CADM2: variants seen among roughly 807,000 people sequenced by gnomAD.
CADM2 encodes immunoglobulin superfamily member 4D.
CADM2 carries 12 observed loss-of-function variants against 49.8 expected under a neutral mutation model. The ratio of observed to expected loss-of-function variants is 0.24; its 90% CI spans 0.15 to 0.39. The LOEUF (loss-of-function observed/expected upper bound fraction) is 0.39. CADM2 is among the 10% of genes least tolerant of loss of function. The pLI is 1.00. For synonymous variants in CADM2, 214 were observed against 175.4 expected (o/e 1.22, Z -1.74); for missense variants, 378 against 492.3 (o/e 0.77, Z 2.20).
intron 6 of CADM2, among the ~76,000 whole-genome samples, chr3:85,923,547 AAAC>A (rs1305481826): frequency 3.3e-5 from 5 of 151,544 alleles, no homozygotes; most frequent in Non-Finnish European, 7.4e-5. Flanking sequence ...CAAAAAAAAA[AAAC>A]AACAAAACAA....
At chr3:85,208,594 T>A (rs1203847817) in intron 1 of CADM2, among the ~76,000 whole-genome samples, 5 of 152,050 alleles carry the variant, frequency 3.3e-5, no homozygotes, top group Admixed American at 6.5e-5. Context: ...AGAAGACAAA[T>A]CTACATATTG....
rs1171016987 is a variant in CADM2, at chr3:85,042,520, A to G, written c.61+82852A>G. Among the ~76,000 whole-genome samples, 7 of 151,870 alleles carry G rather than the reference A, an allele frequency of 4.6e-5. No individual in the cohort carries two copies. The South Asian group carries it at 1.2e-3, about 27-fold the overall frequency. On this transcript the variant is annotated intron_variant, in intron 1 of 9. Coordinates refer to ENST00000383699, the MANE Select transcript of CADM2 (RefSeq NM_001167675.2). ...TGTGTGTGTGTTTTCATTTCTTTTT[A>G]GATGCTCTGCAATAAATGACTAAGA...
At chr3:85,608,135 A>G (rs1042370374) in intron 1 of CADM2, among the ~76,000 whole-genome samples, 10 of 152,140 alleles carry the variant, frequency 6.6e-5, no homozygotes, top group African/African-American at 1.9e-4. Flanking sequence ...TGGGCATACA[A>G]TGATGTGTTT....
chr3:85,510,026 C>T (rs1036832100), intron 1 of CADM2, among the ~76,000 whole-genome samples: 4 of 151,758 alleles, frequency 2.6e-5, no homozygotes, highest in Non-Finnish European at 5.9e-5. Flanking sequence ...AAAAATAAAG[C>T]AATGTGGGCT....
chr3:85,827,274 A>G (rs1427052073), intron 3 of CADM2, among the ~76,000 whole-genome samples: 1 of 152,040 alleles, frequency 6.6e-6, no homozygotes, highest in East Asian at 1.9e-4. Context: ...GTGCTTGTAG[A>G]AATTGCAGTC....
At chr3:85,131,126 C>T (rs549937506) in intron 1 of CADM2, among the ~76,000 whole-genome samples, 4 of 152,086 alleles carry the variant, frequency 2.6e-5, no homozygotes, top group East Asian at 1.9e-4. Flanking sequence ...TAGCAGCGAG[C>T]CAAGATCGTG....
chr3:85,541,283 TACAC>T (rs575428465), intron 1 of CADM2, among the ~76,000 whole-genome samples: 25 of 151,440 alleles, frequency 1.7e-4, no homozygotes, highest in Admixed American at 8.6e-4. Context: ...ATGTCACATA[TACAC>T]ACATGCATAC....
intron 1 of CADM2, among the ~76,000 whole-genome samples, chr3:85,631,013 T>C (rs1201237861): frequency 6.6e-6 from 1 of 152,088 alleles, no homozygotes; most frequent in Non-Finnish European, 1.5e-5. Flanking sequence ...TGTACCTGGA[T>C]TAAAATAAAA....
chr3:85,408,150 G>T (rs2035488900), intron 1 of CADM2, among the ~76,000 whole-genome samples: 1 of 152,054 alleles, frequency 6.6e-6, no homozygotes, highest in Non-Finnish European at 1.5e-5. Context: ...TTGTGCTTTG[G>T]AAAATTTTGA....
chr3:85,587,711 T>A (rs533490107), intron 1 of CADM2, among the ~76,000 whole-genome samples: 2 of 151,964 alleles, frequency 1.3e-5, no homozygotes, highest in South Asian at 4.1e-4. Context: ...ACAAGAAACA[T>A]TGTGTCCATA....
chr3:85,495,128 A>C (rs1381474174), intron 1 of CADM2, among the ~76,000 whole-genome samples: 1 of 152,138 alleles, frequency 6.6e-6, no homozygotes, highest in East Asian at 1.9e-4. Flanking sequence ...TTTAAACACT[A>C]TAGTTTTTAA....
intron 8 of CADM2, among the ~76,000 whole-genome samples, chr3:85,962,091 A>G (rs1398342519): frequency 6.6e-6 from 1 of 151,758 alleles, no homozygotes; most frequent in Non-Finnish European, 1.5e-5. Context: ...ATGCACCACT[A>G]TATTTTTAGT....
intron 1 of CADM2, among the ~76,000 whole-genome samples, chr3:85,543,420 A>ATGTGTGTGGGGGTGTGTGGGTGTG (rs372108050): frequency 7.7e-6 from 1 of 129,584 alleles, no homozygotes; most frequent in Non-Finnish European, 1.7e-5. Flanking sequence ...TGCCAAGCTA[A>ATGTGTGTGGGGGTGTGTGGGTGTG]TGTGTGTGTG....
chr3:85,160,200 T>G (rs763644060), intron 1 of CADM2, among the ~76,000 whole-genome samples: 8 of 152,166 alleles, frequency 5.3e-5, no homozygotes, highest in Non-Finnish European at 1.0e-4. Context: ...TTCCAATGTT[T>G]TATTATATCT....
chr3:85,485,585 A>T, intron 1 of CADM2, among the ~76,000 whole-genome samples: 1 of 152,176 alleles, frequency 6.6e-6, no homozygotes, highest in South Asian at 2.1e-4. Flanking sequence ...TAATCTATAT[A>T]TTGAGCCCCA....
intron 1 of CADM2, among the ~76,000 whole-genome samples, chr3:85,234,781 GT>G (rs2042375228): frequency 6.6e-6 from 1 of 152,256 alleles, no homozygotes; most frequent in Non-Finnish European, 1.5e-5. Context: ...AGTAGTAGTA[GT>G]TTTTTGCAAT....
intron 1 of CADM2, among the ~76,000 whole-genome samples, chr3:85,394,823 C>T (rs924981660): frequency 1.3e-5 from 2 of 151,860 alleles, no homozygotes; most frequent in Admixed American, 6.6e-5. Context: ...TTTTCTCATC[C>T]CTGTTTCTGC....
At chr3:85,310,000 T>G (rs1559772184) in intron 1 of CADM2, among the ~76,000 whole-genome samples, 1 of 152,238 alleles carries the variant, frequency 6.6e-6, no homozygotes, top group Non-Finnish European at 1.5e-5. Flanking sequence ...ACTCTTGCTA[T>G]AAATTCTTCT....
intron 1 of CADM2, among the ~76,000 whole-genome samples, chr3:85,629,656 A>G (rs773492940): frequency 7.9e-5 from 12 of 152,140 alleles, no homozygotes; most frequent in East Asian, 1.9e-4. Context: ...ATATTTTACA[A>G]TAAAGTTTCT....
Sources: gnomAD v4.1 joint callset for allele counts (sites outside exome capture counted in the v4.1 genomes callset) on GRCh38, gnomAD v4.1.1 for gene constraint, MANE v1.5 for transcripts, NCBI Gene and HGNC (gene_info 2026-07-23, HGNC 2026-07-21) for gene names.